Variants in NRG3 observed in about 807,000 individuals in gnomAD.
NRG3 encodes the protein pro-neuregulin-3, membrane-bound isoform.
Under a neutral mutation model 66.9 loss-of-function variants are expected in NRG3, and 31 were observed. The ratio of observed to expected loss-of-function variants is 0.46; its 90% confidence interval spans 0.35 to 0.63. The LOEUF (loss-of-function observed/expected upper bound fraction) is 0.63. Among genes scored for constraint, NRG3 ranks in the 20% least tolerant of loss-of-function variants. The probability of loss-of-function intolerance (pLI) is 0.00; values close to 1 mark genes in which losing one functional copy is unlikely to be tolerated. For missense variants in NRG3, 910 were observed against 878.9 expected, an observed-to-expected ratio of 1.04 and a Z score of -0.45; for synonymous variants, 393 against 359.4, an observed-to-expected ratio of 1.09 and a Z score of -1.06.
chr10:82,346,935 G>T (rs375862309), intron 1 of NRG3, among the ~76,000 whole-genome samples: 1 of 151,664 alleles, frequency 6.6e-6, no homozygotes, highest in African/African-American at 2.4e-5. Context: ...TTTTTATTGC[G>T]TCTATTTGAT....
Position 81,979,726 on chromosome 10 carries a change from G to T in NRG3, c.823+103563G>T, listed in dbSNP as rs572688782. ...CACATGCATGCACAAACACACACAGGAGCCACATTTGCAACTGCATTACGG... is the reference window on the plus strand; with the variant it reads ...CACATGCATGCACAAACACACACAGTAGCCACATTTGCAACTGCATTACGG... On this transcript the variant is annotated intron_variant, in intron 1 of 8. Transcript: ENST00000372141. Among the ~76,000 whole-genome samples the T allele has an allele frequency of 6.6e-5, 10 of 152,240 alleles. No homozygotes were observed. In the South Asian group the frequency reaches 2.1e-3, roughly 32 times the overall value.
intron 1 of NRG3, among the ~76,000 whole-genome samples, chr10:82,075,016 G>T (rs1371491083): frequency 6.6e-6 from 1 of 152,178 alleles, no homozygotes; most frequent in Non-Finnish European, 1.5e-5. Flanking sequence ...TTGGCGTAGA[G>T]TTGGCCTTTG....
At chr10:82,757,561 A>G (rs1193206716) in intron 3 of NRG3, among the ~76,000 whole-genome samples, 1 of 152,148 alleles carries the variant, frequency 6.6e-6, no homozygotes, top group Non-Finnish European at 1.5e-5. Context: ...GATATGCTCA[A>G]AACAAAATAA....
chr10:82,810,917 C>G (rs1005503715), intron 3 of NRG3, among the ~76,000 whole-genome samples: 1 of 152,016 alleles, frequency 6.6e-6, no homozygotes, highest in Non-Finnish European at 1.5e-5. Flanking sequence ...ACATTTTTCT[C>G]TTTAAATTCT....
At chr10:82,698,055 T>C (rs565565117) in intron 2 of NRG3, among the ~76,000 whole-genome samples, 63 of 152,178 alleles carry the variant, frequency 4.1e-4, no homozygotes, top group Non-Finnish European at 1.8e-4. Flanking sequence ...CAGAACTGTA[T>C]TTCTGTAGCT....
At chr10:82,351,283 C>G (rs2083425342) in intron 1 of NRG3, among the ~76,000 whole-genome samples, 1 of 152,154 alleles carries the variant, frequency 6.6e-6, no homozygotes, top group Non-Finnish European at 1.5e-5. Flanking sequence ...AACTTTTATC[C>G]ACTAGAAGTT....
chr10:82,565,037 G>T (rs937912017), intron 2 of NRG3, among the ~76,000 whole-genome samples: 2 of 152,054 alleles, frequency 1.3e-5, no homozygotes, highest in Admixed American at 6.6e-5. Flanking sequence ...TGTTGGGAAC[G>T]AGGTTCAGGA....
At chr10:82,500,163 G>A (rs1844028853) in intron 2 of NRG3, among the ~76,000 whole-genome samples, 1 of 152,116 alleles carries the variant, frequency 6.6e-6, no homozygotes, top group Non-Finnish European at 1.5e-5. Context: ...TCATCTCTGA[G>A]CCCCTACATA....
intron 1 of NRG3, among the ~76,000 whole-genome samples, chr10:81,908,503 A>G (rs1318664971): frequency 1.3e-5 from 2 of 152,180 alleles, no homozygotes; most frequent in East Asian, 3.9e-4. Flanking sequence ...AGGAAATCCA[A>G]GTTCTGATCT....
At chr10:82,087,291 T>G (rs1460808499) in intron 1 of NRG3, among the ~76,000 whole-genome samples, 1 of 152,084 alleles carries the variant, frequency 6.6e-6, no homozygotes, top group Non-Finnish European at 1.5e-5. Flanking sequence ...TTGTTCTTAG[T>G]CACATCCCTT....
intron 1 of NRG3, among the ~76,000 whole-genome samples, chr10:81,878,768 T>C (rs888052816): frequency 2.6e-5 from 4 of 152,166 alleles, no homozygotes; most frequent in Non-Finnish European, 4.4e-5. Context: ...CTTTCGTTTT[T>C]TGACTAACCC....
chr10:82,286,169 T>C (rs866737164), intron 1 of NRG3, among the ~76,000 whole-genome samples: 1 of 152,106 alleles, frequency 6.6e-6, no homozygotes, highest in Non-Finnish European at 1.5e-5. Context: ...TCTAAGAAAT[T>C]GTGCTAAAAA....
intron 2 of NRG3, among the ~76,000 whole-genome samples, chr10:82,396,093 G>A (rs2086695433): frequency 6.6e-6 from 1 of 152,080 alleles, no homozygotes; most frequent in Non-Finnish European, 1.5e-5. Flanking sequence ...TTAAGCCTTG[G>A]CAAATTGCCA....
chr10:82,707,671 G>T (rs574415317), intron 2 of NRG3, among the ~76,000 whole-genome samples: 3 of 151,474 alleles, frequency 2.0e-5, no homozygotes, highest in Non-Finnish European at 4.4e-5. Flanking sequence ...TGGGATTACA[G>T]GTGTGAGCCA....
At chr10:82,679,165 C>T (rs2053932581) in intron 2 of NRG3, among the ~76,000 whole-genome samples, 1 of 152,156 alleles carries the variant, frequency 6.6e-6, no homozygotes. Context: ...ATAGTAGATG[C>T]TCAGGAAGTG....
intron 1 of NRG3, among the ~76,000 whole-genome samples, chr10:81,991,006 T>C (rs1437236444): frequency 6.6e-6 from 1 of 152,160 alleles, no homozygotes; most frequent in Non-Finnish European, 1.5e-5. Context: ...GAGTCAAAAA[T>C]TTGAGAAGCC....
chr10:81,900,490 C>G (rs145306806), intron 1 of NRG3, among the ~76,000 whole-genome samples: 452 of 152,306 alleles, frequency 3.0e-3, no homozygotes, highest in Middle Eastern at 0.017. Context: ...AACTCCATAT[C>G]CAGTGTCATG....
chr10:82,926,646 G>A (rs185419845), intron 4 of NRG3, among the ~76,000 whole-genome samples: 4 of 152,170 alleles, frequency 2.6e-5, no homozygotes, highest in African/African-American at 9.7e-5. Flanking sequence ...TTCATTCTCT[G>A]TGTGTTAAGC....
intron 2 of NRG3, among the ~76,000 whole-genome samples, chr10:82,393,126 C>T (rs1284480739): frequency 6.6e-6 from 1 of 152,068 alleles, no homozygotes; most frequent in Admixed American, 6.6e-5. Context: ...CCTCTGGACC[C>T]TTTGGCAATT....
Sources: allele counts gnomAD v4.1 joint callset (sites outside exome capture counted in the v4.1 genomes callset), GRCh38; gene constraint gnomAD v4.1.1; transcripts MANE v1.5; gene names NCBI Gene and HGNC (gene_info 2026-07-23, HGNC 2026-07-21).